Variants in PIGN observed in about 807,000 individuals in gnomAD.
The protein encoded by PIGN is GPI ethanolamine phosphate transferase 1.
In PIGN, 117 loss-of-function variants were observed where a neutral mutation model predicts 125.4. That is an observed-to-expected ratio of 0.93 (90% confidence interval 0.80 to 1.09). The LOEUF (loss-of-function observed/expected upper bound fraction) is 1.09. PIGN is among the 50% of genes least tolerant of loss of function. The probability of loss-of-function intolerance (pLI) is 0.00; values close to 1 mark genes in which losing one functional copy is unlikely to be tolerated. For missense variants in PIGN, 1,075 were observed against 1,094.9 expected (o/e 0.98, Z 0.26); for synonymous variants, 392 against 377.8 (o/e 1.04, Z -0.44).
chr18:62,123,926 GAA>G (rs35754523), intron 14 of PIGN, among the ~76,000 whole-genome samples: 5,206 of 147,554 alleles, frequency 0.035, 292 homozygotes, highest in African/African-American at 0.12. Context: ...CTATAAAAAT[GAA>G]AAAAAAAAAG....
chr18:62,174,251 T>A (rs2037442760), intron 1 of PIGN: 1 of 152,108 alleles, frequency 6.6e-6, no homozygotes, highest in Non-Finnish European at 1.5e-5. Context: ...CATCTTCTCA[T>A]TGTCTGCCTT....
chr18:62,060,274 T>C (rs897866895), intron 30 of PIGN, among the ~76,000 whole-genome samples: 10 of 152,242 alleles, frequency 6.6e-5, no homozygotes, highest in East Asian at 1.9e-4. Flanking sequence ...TGTGCCATCA[T>C]TTAAATCAGC....
In PIGN at chr18:62,136,988, T is replaced by G. The variant is rs1031941636; in HGVS notation, c.1172+1255A>C. The G allele has an allele frequency of 1.8e-5, 7 of 397,666 alleles. No homozygotes were observed. The Middle Eastern group carries it at 1.9e-3, about 108-fold the overall frequency. The allele number at this position is 397,666 out of a possible 1,614,324, so 24.6% of individuals were successfully genotyped here. ...ATTGAGTGTCAACTTGATTGAAGGATGTAAAGTATTGTTCCTGGGTATGTC... is the reference window on the plus strand; with the variant it reads ...ATTGAGTGTCAACTTGATTGAAGGAGGTAAAGTATTGTTCCTGGGTATGTC... On this transcript the variant is annotated intron_variant, in intron 14 of 30. Transcript: ENST00000640252.
Position 62,102,782 on chromosome 18 carries a change from T to A in PIGN, c.1968+12A>T. On this transcript the variant is annotated intron_variant, in intron 21 of 30. Coordinates refer to ENST00000640252, the MANE Select transcript of PIGN (RefSeq NM_176787.5). Reference sequence around the variant, plus strand: ...CATTAGTATAACATAGTATTGAAAATCTGTAACTGACCTGTAACAGATGTA... The same window carrying A: ...CATTAGTATAACATAGTATTGAAAAACTGTAACTGACCTGTAACAGATGTA... 7.9e-7 allele frequency: 1 copy of A among 1,260,858 alleles called. No homozygotes were observed. The highest frequency in any genetic ancestry group is 1.1e-6 in the Non-Finnish European group (1 of 888,410). The allele number at this position is 1,260,858 out of a possible 1,614,324, so 78.1% of individuals were successfully genotyped here. A position where few individuals can be genotyped will look rare whatever the true frequency, so the allele number is the denominator to read the frequency against.
chr18:62,086,215 T>C (rs768408017), intron 25 of PIGN, among the ~76,000 whole-genome samples: 11 of 151,994 alleles, frequency 7.2e-5, no homozygotes, highest in Non-Finnish European at 1.3e-4. Context: ...GAGAAAAAAA[T>C]GACAACGCCA....
chr18:62,068,839 T>C (rs7227319), intron 30 of PIGN, among the ~76,000 whole-genome samples: 4,553 of 152,298 alleles, frequency 0.03, 220 homozygotes, highest in African/African-American at 0.1. Flanking sequence ...TGTGACCCAA[T>C]GTACTCTTGT....
chr18:62,113,010 C>A, intron 16 of PIGN, 124 bp downstream of exon 16: 1 of 684,712 alleles, frequency 1.5e-6, no homozygotes, highest in Non-Finnish European at 2.4e-6. Context: ...ACAATAAAAG[C>A]AAATGAAAGA....
intron 23 of PIGN, among the ~76,000 whole-genome samples, chr18:62,027,664 G>A (rs1455505297): frequency 6.6e-6 from 1 of 152,206 alleles, no homozygotes; most frequent in African/African-American, 2.4e-5. Context: ...AATAGAATGG[G>A]AGACAGGTTT....
chr18:62,132,777 CTTATTT>C (rs2035787817), intron 14 of PIGN, among the ~76,000 whole-genome samples: 1 of 152,138 alleles, frequency 6.6e-6, no homozygotes, highest in Non-Finnish European at 1.5e-5. Context: ...CACACTTTTA[CTTATTT>C]TTAAATATTC....
At chr18:62,059,462 T>C (rs976093337) in intron 30 of PIGN, among the ~76,000 whole-genome samples, 2 of 152,192 alleles carry the variant, frequency 1.3e-5, no homozygotes, top group Non-Finnish European at 2.9e-5. Flanking sequence ...AATGGAACAT[T>C]ATTCAGCAAT....
chr18:62,168,816 G>T, intron 1 of PIGN, among the ~76,000 whole-genome samples: 1 of 149,130 alleles, frequency 6.7e-6, no homozygotes, highest in Non-Finnish European at 1.5e-5. Flanking sequence ...ATGAGTCTTT[G>T]TAATCCAACA....
chr18:62,068,148 T>C (rs2032636578), intron 30 of PIGN, among the ~76,000 whole-genome samples: 1 of 152,202 alleles, frequency 6.6e-6, no homozygotes, highest in Admixed American at 6.5e-5. Flanking sequence ...CTTCTGGTTT[T>C]CTACTTGGAA....
intron 14 of PIGN, among the ~76,000 whole-genome samples, chr18:62,117,628 T>C (rs958983723): frequency 3.9e-5 from 6 of 152,112 alleles, no homozygotes; most frequent in African/African-American, 1.4e-4. Context: ...ATTTTTATTA[T>C]ATCCTCTATT....
At chr18:62,146,608 C>CAGGCTT (rs374490383) in intron 9 of PIGN, among the ~76,000 whole-genome samples, 101 of 152,320 alleles carry the variant, frequency 6.6e-4, no homozygotes, top group African/African-American at 2.3e-3. Context: ...ACAGGGCGCA[C>CAGGCTT]AGGCTTACCC....
intron 23 of PIGN, among the ~76,000 whole-genome samples, chr18:62,033,814 G>A (rs2030224596): frequency 6.6e-6 from 1 of 152,106 alleles, no homozygotes; most frequent in South Asian, 2.1e-4. Flanking sequence ...AGAAGCTAAT[G>A]TTCTTATTCA....
intron 23 of PIGN, among the ~76,000 whole-genome samples, chr18:62,027,904 C>G (rs1364406404): frequency 6.6e-6 from 1 of 150,492 alleles, no homozygotes; most frequent in Admixed American, 6.6e-5. Flanking sequence ...GAGACCCTGT[C>G]TCAATAAAAA....
At chr18:62,073,419 C>T (rs1481379025) in intron 29 of PIGN, among the ~76,000 whole-genome samples, 1 of 151,974 alleles carries the variant, frequency 6.6e-6, no homozygotes, top group African/African-American at 2.4e-5. Flanking sequence ...CCAGAGAGAG[C>T]TTGGTAGTGT....
chr18:62,026,606 G>T (rs2030121685), intron 23 of PIGN, among the ~76,000 whole-genome samples: 1 of 152,052 alleles, frequency 6.6e-6, no homozygotes, highest in African/African-American at 2.4e-5. Context: ...AACTGTCTGG[G>T]GTAACAATTT....
chr18:62,152,866 A>ATT (rs1468729568), intron 7 of PIGN, among the ~76,000 whole-genome samples: 1 of 50,236 alleles, frequency 2.0e-5, no homozygotes, highest in Non-Finnish European at 4.0e-5. Flanking sequence ...ATATATATAT[A>ATT]TATTTTTTTT....
Sources: gnomAD v4.1 joint callset for allele counts (sites outside exome capture counted in the v4.1 genomes callset) on GRCh38, gnomAD v4.1.1 for gene constraint, MANE v1.5 for transcripts, NCBI Gene and HGNC (gene_info 2026-07-23, HGNC 2026-07-21) for gene names.